Variants in TUSC3 observed in about 807,000 individuals in gnomAD.
TUSC3 encodes tumor suppressor candidate 3, also known as dolichyl-diphosphooligosaccharide--protein glycosyltransferase subunit TUSC3.
Under a neutral mutation model 44.8 loss-of-function variants are expected in TUSC3, and 45 were observed. That is an observed-to-expected ratio of 1.00 (90% confidence interval 0.79 to 1.29). TUSC3 has a LOEUF of 1.29. TUSC3 is among the 50% of genes most tolerant of loss of function. The pLI, the probability that TUSC3 is intolerant of heterozygous loss-of-function variation, is 0.00. For missense variants in TUSC3, 519 were observed against 437.9 expected (o/e 1.19, Z -1.65); for synonymous variants, 212 against 152.9 (o/e 1.39, Z -2.85).
At chr8:15,491,130 T>C (rs1367811780) in intron 2 of TUSC3, among the ~76,000 whole-genome samples, 2 of 152,212 alleles carry the variant, frequency 1.3e-5, no homozygotes, top group East Asian at 1.9e-4. Flanking sequence ...CATTTTTATA[T>C]AAGATAAAAT....
At chr8:15,746,645 C>T (rs1391238754) in intron 8 of TUSC3, among the ~76,000 whole-genome samples, 1 of 151,964 alleles carries the variant, frequency 6.6e-6, no homozygotes, top group East Asian at 1.9e-4. Flanking sequence ...CTTACTTGAT[C>T]ACACATTTCA....
chr8:15,590,194 C>G (rs985710050), intron 1 of TUSC3, among the ~76,000 whole-genome samples: 1 of 152,194 alleles, frequency 6.6e-6, no homozygotes, highest in African/African-American at 2.4e-5. Flanking sequence ...ATGCTTTACA[C>G]AGGAGTTTCT....
chr8:15,795,726 T>G, the TUSC3 span, among the ~76,000 whole-genome samples: 3 of 152,300 alleles, frequency 2.0e-5, no homozygotes, highest in Non-Finnish European at 4.4e-5. Flanking sequence ...CCCACATCAG[T>G]TTTTGGGCAA....
chr8:15,465,112 G>T (rs527653771), intron 1 of TUSC3, among the ~76,000 whole-genome samples: 1 of 152,276 alleles, frequency 6.6e-6, no homozygotes, highest in South Asian at 2.1e-4. Context: ...CTCCCAAATT[G>T]CTGGGATTAC....
intron 1 of TUSC3, among the ~76,000 whole-genome samples, chr8:15,419,911 A>G (rs936079252): frequency 1.3e-5 from 2 of 152,160 alleles, no homozygotes; most frequent in African/African-American, 4.8e-5. Context: ...TCTTTTATAA[A>G]TCTTTATTCT....
chr8:15,793,046 C>G, the TUSC3 span, among the ~76,000 whole-genome samples: 42 of 152,226 alleles, frequency 2.8e-4, no homozygotes, highest in Admixed American at 6.5e-5. Flanking sequence ...TCCCAACAAC[C>G]AATTCTACCC....
chr8:15,493,765 A>G (rs1385975317), intron 2 of TUSC3, among the ~76,000 whole-genome samples: 1 of 152,192 alleles, frequency 6.6e-6, no homozygotes, highest in African/African-American at 2.4e-5. Context: ...TGAGCCCCCA[A>G]AATAAAACTT....
intron 1 of TUSC3, among the ~76,000 whole-genome samples, chr8:15,466,295 T>G (rs1199019882): frequency 6.6e-6 from 1 of 152,190 alleles, no homozygotes; most frequent in Non-Finnish European, 1.5e-5. Flanking sequence ...GAAAATTACC[T>G]TGTGAATTTC....
chr8:15,718,838 TTACTA>T (rs1352133652), intron 6 of TUSC3, among the ~76,000 whole-genome samples: 13 of 152,052 alleles, frequency 8.5e-5, no homozygotes, highest in South Asian at 4.1e-4. Flanking sequence ...AACTAAATCT[TTACTA>T]TACATCCTAT....
chr8:15,655,561 C>A (rs1407186412), intron 3 of TUSC3, among the ~76,000 whole-genome samples: 4 of 152,202 alleles, frequency 2.6e-5, no homozygotes, highest in Non-Finnish European at 5.9e-5. Flanking sequence ...AAGTTGCCCA[C>A]CTGGCCTTCC....
chr8:15,623,994 C>T (rs1446158382), intron 2 of TUSC3, among the ~76,000 whole-genome samples: 1 of 152,066 alleles, frequency 6.6e-6, no homozygotes, highest in Admixed American at 6.5e-5. Context: ...GACCTCTGAC[C>T]TCTGGCAATC....
At chr8:15,493,270 T>C (rs899377100) in intron 2 of TUSC3, among the ~76,000 whole-genome samples, 7 of 152,128 alleles carry the variant, frequency 4.6e-5, no homozygotes, top group Admixed American at 2.6e-4. Flanking sequence ...TTTTTTTCTT[T>C]AGAGACAGGA....
At chr8:15,486,893 T>C (rs957172501) in intron 2 of TUSC3, among the ~76,000 whole-genome samples, 3 of 152,256 alleles carry the variant, frequency 2.0e-5, no homozygotes, top group Non-Finnish European at 4.4e-5. Flanking sequence ...AATAGCAATA[T>C]ATCCAGGGAC....
In TUSC3 at chr8:15,715,899, A is replaced by G. The variant is rs1313908794; in HGVS notation, c.799-14767A>G. ...TTTTTAGTATTGAGGTATGATTTAT[A>G]TACAAAAAAATGCAAAGATCTTAAA... On this transcript the variant is annotated intron_variant, in intron 6 of 10. Coordinates refer to ENST00000503731, the MANE Select transcript of TUSC3 (RefSeq NM_006765.4). Among the ~76,000 whole-genome samples the G allele has an allele frequency of 4.7e-4, 71 of 152,094 alleles. 1 individual carries two copies. Among genetic ancestry groups the G allele is most frequent in the Non-Finnish European group, 1.5e-5 (1 of 68,006 alleles).
At chr8:15,444,172 C>T (rs1800060296) in intron 1 of TUSC3, among the ~76,000 whole-genome samples, 1 of 152,144 alleles carries the variant, frequency 6.6e-6, no homozygotes, top group Admixed American at 6.5e-5. Flanking sequence ...ACTCCAGCTG[C>T]AGTATATGAC....
At chr8:15,450,141 A>C (rs1368169739) in intron 1 of TUSC3, among the ~76,000 whole-genome samples, 1 of 152,240 alleles carries the variant, frequency 6.6e-6, no homozygotes, top group Non-Finnish European at 1.5e-5. Flanking sequence ...TGTATAAAAA[A>C]AGTGTGAGAG....
intron 1 of TUSC3, among the ~76,000 whole-genome samples, 155 bp downstream of exon 1, chr8:15,540,723 G>A (rs1020118884): frequency 9.9e-5 from 15 of 152,254 alleles, no homozygotes; most frequent in Non-Finnish European, 1.5e-4. Context: ...AGGCCCTGGG[G>A]CGTTTCCGGG....
At chr8:15,552,586 T>A (rs1313209138) in intron 1 of TUSC3, among the ~76,000 whole-genome samples, 1 of 151,664 alleles carries the variant, frequency 6.6e-6, no homozygotes, top group Admixed American at 6.6e-5. Flanking sequence ...GTCCAGCATA[T>A]GAAAAAACAC....
chr8:15,510,326 C>A (rs1772368384), intron 2 of TUSC3, among the ~76,000 whole-genome samples: 1 of 151,718 alleles, frequency 6.6e-6, no homozygotes, highest in Admixed American at 6.6e-5. Flanking sequence ...TTTATGAGAT[C>A]AATACAATTG....
Sources: allele counts gnomAD v4.1 joint callset (sites outside exome capture counted in the v4.1 genomes callset), GRCh38; gene constraint gnomAD v4.1.1; transcripts MANE v1.5; gene names NCBI Gene and HGNC (gene_info 2026-07-23, HGNC 2026-07-21).